CDH18: variants seen among roughly 807,000 people sequenced by gnomAD.
CDH18 encodes cadherin-18.
In CDH18, 31 loss-of-function variants were observed where a neutral mutation model predicts 67.9. The observed-to-expected ratio is 0.46, with a 90% confidence interval of 0.34 to 0.62. The LOEUF (loss-of-function observed/expected upper bound fraction) is 0.62. CDH18 is among the 20% of genes least tolerant of loss of function. The pLI, the probability that CDH18 is intolerant of heterozygous loss-of-function variation, is 0.01. For synonymous variants in CDH18, 362 were observed against 347.2 expected (o/e 1.04, Z -0.48); for missense variants, 890 against 975.5 (o/e 0.91, Z 1.17).
intron 5 of CDH18, among the ~76,000 whole-genome samples, chr5:19,638,499 T>G (rs568083073): frequency 6.6e-6 from 1 of 152,246 alleles, no homozygotes; most frequent in Non-Finnish European, 1.5e-5. Flanking sequence ...AAGGTGGTAG[T>G]TAGATGAAGA....
chr5:19,859,983 G>GCT (rs1298398019), intron 2 of CDH18, among the ~76,000 whole-genome samples: 18 of 76,472 alleles, frequency 2.4e-4, no homozygotes, highest in African/African-American at 7.6e-4. Flanking sequence ...TTACTTGTTT[G>GCT]CTTTGGGTGT....
Position 19,810,340 on chromosome 5 carries a change from A to C in CDH18, c.228+28419T>G, listed in dbSNP as rs1778508075. Among the ~76,000 whole-genome samples, 7 of 126,384 alleles carry C rather than the reference A, an allele frequency of 5.5e-5. No individual in the cohort carries two copies. The South Asian group carries it at 1.6e-3, about 29-fold the overall frequency. The allele number at this position is 126,384 out of a possible 152,430, so 82.9% of individuals were successfully genotyped here. A position where few individuals can be genotyped will look rare whatever the true frequency, so the allele number is the denominator to read the frequency against. On this transcript the variant is annotated intron_variant, in intron 3 of 12. Coordinates refer to ENST00000382275, the MANE Select transcript of CDH18 (RefSeq NM_004934.5). The stretch of plus-strand genomic sequence containing the variant: ...AGTGAGACTCCGTCTCAAAAAAAAT[A>C]AAATAAAAATAAAATAAAATAGGAG...
At chr5:20,230,934 G>C (rs1742019544) in intron 2 of CDH18, among the ~76,000 whole-genome samples, 2 of 152,132 alleles carry the variant, frequency 1.3e-5, no homozygotes, top group Non-Finnish European at 2.9e-5. Context: ...AGAAATAAAA[G>C]GTATAGATGT....
intron 2 of CDH18, among the ~76,000 whole-genome samples, chr5:20,248,095 A>G (rs1291898862): frequency 6.6e-6 from 1 of 152,160 alleles, no homozygotes; most frequent in Admixed American, 6.5e-5. Flanking sequence ...ATTAAATGTG[A>G]AGTGTGTGAT....
At chr5:20,320,593 T>TA (rs1336415553) in intron 1 of CDH18, among the ~76,000 whole-genome samples, 1 of 152,232 alleles carries the variant, frequency 6.6e-6, no homozygotes, top group Non-Finnish European at 1.5e-5. Context: ...CAGTCAGCTT[T>TA]ACACATCATT....
chr5:20,324,532 C>G (rs1034636814), intron 1 of CDH18, among the ~76,000 whole-genome samples: 1 of 140,608 alleles, frequency 7.1e-6, no homozygotes, highest in African/African-American at 2.5e-5. Context: ...CAGAGCAAGA[C>G]TCCGTCTCAA....
At chr5:19,574,439 C>A (rs898618130) in intron 7 of CDH18, among the ~76,000 whole-genome samples, 1 of 152,054 alleles carries the variant, frequency 6.6e-6, no homozygotes, top group Non-Finnish European at 1.5e-5. Flanking sequence ...GTTGAATTAA[C>A]GCAACTGGAA....
intron 5 of CDH18, among the ~76,000 whole-genome samples, chr5:19,626,252 C>A (rs1751525224): frequency 6.6e-6 from 1 of 152,046 alleles, no homozygotes; most frequent in South Asian, 2.1e-4. Flanking sequence ...GTTCTTTGAG[C>A]CCATATTAAA....
intron 3 of CDH18, among the ~76,000 whole-genome samples, chr5:19,787,562 C>T (rs1159577907): frequency 1.3e-5 from 2 of 151,854 alleles, no homozygotes; most frequent in South Asian, 4.1e-4. Flanking sequence ...TAGGAAGGTA[C>T]ATGTGCATAT....
chr5:19,769,267 A>G (rs1773461578), intron 3 of CDH18, among the ~76,000 whole-genome samples: 1 of 152,114 alleles, frequency 6.6e-6, no homozygotes, highest in Non-Finnish European at 1.5e-5. Flanking sequence ...ATTGCTATCA[A>G]ACTCCTAGAA....
At chr5:19,936,320 A>T (rs2388042) in intron 2 of CDH18, among the ~76,000 whole-genome samples, 92,777 of 150,566 alleles carry the variant, frequency 0.62, 29,095 homozygotes, top group African/African-American at 0.73. Context: ...TTTCTTTTTT[A>T]AAAAAATAAT....
intron 1 of CDH18, among the ~76,000 whole-genome samples, chr5:20,559,109 CAT>C (rs1024794257): frequency 1.7e-4 from 25 of 150,834 alleles, no homozygotes; most frequent in African/African-American, 5.6e-4. Context: ...CAAAGTGACT[CAT>C]ATTGTATTTT....
chr5:20,241,037 A>G (rs1261575936), intron 2 of CDH18, among the ~76,000 whole-genome samples: 3 of 152,208 alleles, frequency 2.0e-5, no homozygotes, highest in Non-Finnish European at 4.4e-5. Context: ...CCAAATTAGA[A>G]CAATTTCAAA....
At chr5:19,571,210 T>C (rs1741321669) in intron 8 of CDH18, among the ~76,000 whole-genome samples, 1 of 152,222 alleles carries the variant, frequency 6.6e-6, no homozygotes, top group Non-Finnish European at 1.5e-5. Context: ...ATGAGTGTTA[T>C]CCCCAAATCA....
intron 11 of CDH18, among the ~76,000 whole-genome samples, chr5:19,502,525 A>G (rs538720973): frequency 7.4e-4 from 112 of 152,238 alleles, no homozygotes; most frequent in African/African-American, 2.6e-3. Context: ...CCTTCTACCC[A>G]TATTTTGGAC....
intron 1 of CDH18, among the ~76,000 whole-genome samples, chr5:20,352,835 A>G (rs1458806739): frequency 6.6e-6 from 1 of 151,906 alleles, no homozygotes; most frequent in Non-Finnish European, 1.5e-5. Context: ...TGTTCTTTTC[A>G]TTGATGACAC....
At chr5:19,610,767 T>C (rs940797049) in intron 6 of CDH18, among the ~76,000 whole-genome samples, 1 of 152,138 alleles carries the variant, frequency 6.6e-6, no homozygotes, top group Admixed American at 6.6e-5. Flanking sequence ...ATTTACCTCA[T>C]GTATATGCAC....
At chr5:20,423,180 C>G (rs756708106) in intron 1 of CDH18, among the ~76,000 whole-genome samples, 3 of 151,364 alleles carry the variant, frequency 2.0e-5, no homozygotes, top group African/African-American at 4.9e-5. Context: ...CTCTGGCAAT[C>G]CAGCAAGCAG....
At chr5:19,477,634 G>A (rs972887271) in intron 12 of CDH18, among the ~76,000 whole-genome samples, 3 of 151,958 alleles carry the variant, frequency 2.0e-5, no homozygotes, top group Non-Finnish European at 4.4e-5. Flanking sequence ...AAGAATGAGT[G>A]CAGATAATAA....
Sources: allele counts gnomAD v4.1 joint callset (sites outside exome capture counted in the v4.1 genomes callset), GRCh38; gene constraint gnomAD v4.1.1; transcripts MANE v1.5; gene names NCBI Gene and HGNC (gene_info 2026-07-23, HGNC 2026-07-21).